Variants in HTR3A observed in about 807,000 individuals in gnomAD.
The protein encoded by HTR3A is 5-hydroxytryptamine receptor 3A.
In HTR3A, 45 loss-of-function variants were observed where a neutral mutation model predicts 54.8. That is an observed-to-expected ratio of 0.82 (90% CI 0.65 to 1.05). The LOEUF is 1.05. Ranked by LOEUF, HTR3A falls within the 50% of genes least tolerant of loss-of-function variation. The pLI, the probability that HTR3A is intolerant of heterozygous loss-of-function variation, is 0.00. For synonymous variants in HTR3A, 297 were observed against 256.0 expected (o/e 1.16, Z -1.53); for missense variants, 657 against 614.0 (o/e 1.07, Z -0.74).
At position 113,986,500 on chromosome 11, in the gene HTR3A, G is replaced by A; in HGVS notation, c.706-18G>A. On this transcript the variant is annotated intron_variant, in intron 6 of 8. Transcript: ENST00000504030. ...CCTGTTTGCCCCAGGCTTCCCACAA[G>A]CTCTTCTCCGGTCCCAGGTGGTCAT... 2.5e-6 allele frequency: 4 copies of A among 1,611,150 alleles called. No individual in the cohort carries two copies. The highest frequency in any genetic ancestry group is 3.4e-6 in the Non-Finnish European group (4 of 1,179,966).
At chr11:113,985,602 C>G (rs1278697364) in intron 5 of HTR3A, among the ~76,000 whole-genome samples, 1 of 152,086 alleles carries the variant, frequency 6.6e-6, no homozygotes, top group Non-Finnish European at 1.5e-5. Flanking sequence ...TAAAGATAGG[C>G]AGTTCCATCA....
rs779405919 is a variant in HTR3A, at chr11:113,990,095, T to C, written c.*332T>C. On this transcript the variant is annotated 3_prime_UTR_variant, in exon 9 of 9. Coordinates refer to ENST00000504030, the MANE Select transcript of HTR3A (RefSeq NM_000869.6). ...GGACTTTTCCCCATTGACCCTCACC[T>C]GAATAAGGGACTTTGGAATTCTGCT... 150 of 518,348 alleles carry C rather than the reference T, an allele frequency of 2.9e-4. 1 individual carries two copies. Among genetic ancestry groups the C allele is most frequent in the Non-Finnish European group, 5.3e-4 (143 of 269,482 alleles). 32.1% of individuals were successfully genotyped at this position (518,348 alleles called of 1,614,324 possible). A position where few individuals can be genotyped will look rare whatever the true frequency, so the allele number is the denominator to read the frequency against.
rs191091523 is a variant in HTR3A, at chr11:113,983,653, G to A, written c.544+364G>A. 2.0e-5 allele frequency among the ~76,000 whole-genome samples: 3 copies of A among 152,234 alleles called. No individual in the cohort carries two copies. The East Asian group carries it at 5.8e-4, about 29-fold the overall frequency. On this transcript the variant is annotated intron_variant, in intron 5 of 8. Coordinates refer to ENST00000504030, the MANE Select transcript of HTR3A (RefSeq NM_000869.6). ...TAATATATCAGTATTCAATGAGGGT[G>A]TGAACTGACGGCAAGACGCTCAGTA...
chr11:113,986,295 G>T, intron 6 of HTR3A, 120 bp downstream of exon 6: 4 of 1,278,330 alleles, frequency 3.1e-6, no homozygotes, highest in Non-Finnish European at 4.5e-6. Context: ...CACACATCTG[G>T]AACTTCAGTG....
chr11:113,980,826 T>C (rs1950413084), intron 3 of HTR3A, among the ~76,000 whole-genome samples: 1 of 152,224 alleles, frequency 6.6e-6, no homozygotes, highest in African/African-American at 2.4e-5. Flanking sequence ...TAATGAAAAC[T>C]TAACAAGAGC....
At chr11:113,978,673 A>G (rs1269656609) in intron 2 of HTR3A, among the ~76,000 whole-genome samples, 1 of 152,188 alleles carries the variant, frequency 6.6e-6, no homozygotes, top group Admixed American at 6.5e-5. Flanking sequence ...TCCCGGCATT[A>G]TATGTATATT....
chr11:113,989,978 C>G lies in HTR3A; in HGVS notation c.*215C>G, dbSNP rs1412517116. ...ACTGGGTGTTCAAGGCCCTTACACC[C>G]TTGTCCCACCCCCAGCAGCTCACCA... On this transcript the variant is annotated 3_prime_UTR_variant, in exon 9 of 9. Coordinates refer to ENST00000504030, the MANE Select transcript of HTR3A (RefSeq NM_000869.6). The surrounding 1 kb of genome is among the most constrained non-coding windows in gnomAD (Gnocchi z 4.4). 2.9e-6 allele frequency: 2 copies of G among 693,244 alleles called. No homozygotes were observed. The highest frequency in any genetic ancestry group is 2.0e-5 in the Admixed American group (1 of 49,580). 42.9% of individuals were successfully genotyped at this position (693,244 alleles called of 1,614,324 possible). A position where few individuals can be genotyped will look rare whatever the true frequency, so the allele number is the denominator to read the frequency against.
At position 113,989,838 on chromosome 11, in the gene HTR3A, A is replaced by G. The variant is rs1404813800; in HGVS notation, c.*75A>G. 6.7e-7 allele frequency: 1 copy of G among 1,499,062 alleles called. No individual in the cohort carries two copies. Among genetic ancestry groups the G allele is most frequent in the Admixed American group, 1.7e-5 (1 of 59,836 alleles). The allele number at this position is 1,499,062 out of a possible 1,614,324, so 92.9% of individuals were successfully genotyped here. ...CAGAGGATTTCTGCTTAGGCCCCTC[A>G]GGACCCAGGGAATGCCAGGGACATT... is the stretch of plus-strand genomic sequence containing the variant. On this transcript the variant is annotated 3_prime_UTR_variant, in exon 9 of 9. Transcript: ENST00000504030. This position sits in a 1 kb window ranked among gnomAD's most constrained non-coding sequence, Gnocchi z 4.4.
rs1398053651 is a variant in HTR3A at position 113,979,231 on chromosome 11, A to T, written c.220-2A>T. The T allele has an allele frequency of 1.2e-6, 2 of 1,612,958 alleles. No individual in the cohort carries two copies. Among genetic ancestry groups the T allele is most frequent in the African/African-American group, 2.7e-5 (2 of 74,882 alleles). ...TTGTTCAAGCTCCCTTTCCTTTCCC[A>T]GGATGAGAAGAATCAGGTGCTGACC... On this transcript the variant is annotated splice_acceptor_variant, in intron 2 of 8. Coordinates refer to ENST00000504030, the MANE Select transcript of HTR3A (RefSeq NM_000869.6). LOFTEE classifies it high-confidence loss of function.
At chr11:113,979,351 T>A in intron 3 of HTR3A, 74 bp downstream of exon 3, 1 of 1,240,894 alleles carries the variant, frequency 8.1e-7, no homozygotes, top group Non-Finnish European at 1.2e-6. Context: ...GGAGTTTCAG[T>A]GGCCTTGGCG....
intron 6 of HTR3A, 22 bp downstream of exon 6, chr11:113,986,197 T>TA: frequency 1.2e-6 from 2 of 1,613,784 alleles, no homozygotes; most frequent in Non-Finnish European, 1.7e-6. Flanking sequence ...TGAATGTGGG[T>TA]AAAATGGTGA....
chr11:113,979,683 C>T (rs1396383778), intron 3 of HTR3A, among the ~76,000 whole-genome samples: 1 of 152,152 alleles, frequency 6.6e-6, no homozygotes, highest in Non-Finnish European at 1.5e-5. Flanking sequence ...CCACTTAGTC[C>T]TCACATCCTC....
Position 113,981,658 on chromosome 11 carries a change from T to TA in HTR3A, c.374+354dup, listed in dbSNP as rs201920693. ...ATAAAGGAGACAGTAAATGTTTATT[T>TA]AAAAAAAATGGAGCACTTGGCCAGA... On this transcript the variant is annotated intron_variant, in intron 4 of 8. Transcript: ENST00000504030. Among the ~76,000 whole-genome samples the TA allele has an allele frequency of 2.8e-3, 422 of 151,784 alleles. 4 individuals are homozygous for TA. The highest frequency in any genetic ancestry group is 9.5e-3 in the African/African-American group (392 of 41,406).
chr11:113,981,974 AC>A (rs1184724477), intron 4 of HTR3A, among the ~76,000 whole-genome samples: 1 of 151,854 alleles, frequency 6.6e-6, no homozygotes, highest in African/African-American at 2.4e-5. Context: ...AAAAAAAAAA[AC>A]AAAAAACTGG....
chr11:113,985,897 G>T, intron 5 of HTR3A, 118 bp from the exon 6 acceptor site: 1 of 1,028,274 alleles, frequency 9.7e-7, no homozygotes, highest in Non-Finnish European at 1.5e-6. Context: ...CTGAGGTTGA[G>T]GTTGGGCCAT....
intron 4 of HTR3A, 118 bp downstream of exon 4, chr11:113,981,430 T>A: frequency 1.4e-6 from 1 of 728,856 alleles, no homozygotes; most frequent in Non-Finnish European, 2.5e-6. Context: ...AATTGCAGAC[T>A]GTAGATAAAG....
At position 113,986,820 on chromosome 11, in the gene HTR3A, C is replaced by T; in HGVS notation, c.917-5C>T. ...TGTCTCTTGCCTCTGCCCTGGGCTG[C>T]ACAGGTGTCTACTTTGTGGTGTGCA... On this transcript the variant is annotated splice_region_variant and splice_polypyrimidine_tract_variant and intron_variant, in intron 7 of 8. Transcript: ENST00000504030. 1 of 1,614,144 alleles carries T rather than the reference C, an allele frequency of 6.2e-7. No individual in the cohort carries two copies. The highest frequency in any genetic ancestry group is 1.1e-5 in the South Asian group (1 of 91,084).
chr11:113,986,294 G>A (rs1211492429), intron 6 of HTR3A, 119 bp downstream of exon 6: 1 of 1,306,830 alleles, frequency 7.7e-7, no homozygotes, highest in Non-Finnish European at 1.1e-6. Context: ...GCACACATCT[G>A]GAACTTCAGT....
intron 1 of HTR3A, among the ~76,000 whole-genome samples, chr11:113,977,048 C>T (rs2137567792): frequency 6.6e-6 from 1 of 152,190 alleles, no homozygotes; most frequent in East Asian, 1.9e-4. Context: ...GATTTCTTCT[C>T]ACTCCCTCCA....
Sources: gnomAD v4.1 joint callset for allele counts (sites outside exome capture counted in the v4.1 genomes callset) on GRCh38, gnomAD v4.1.1 for gene constraint, Gnocchi (gnomAD v3.1) non-coding constraint, MANE v1.5 for transcripts, NCBI Gene and HGNC (gene_info 2026-07-23, HGNC 2026-07-21) for gene names.